STYXL2: variants seen among roughly 807,000 people sequenced by gnomAD.
STYXL2 encodes the protein serine/threonine/tyrosine-interacting-like protein 2.
STYXL2 carries 44 observed loss-of-function variants against 52.4 expected under a neutral mutation model. The observed-to-expected ratio is 0.84, with a 90% CI of 0.66 to 1.08. The LOEUF (loss-of-function observed/expected upper bound fraction) is 1.08. Ranked by LOEUF, STYXL2 falls within the 50% of genes least tolerant of loss-of-function variation. The pLI is 0.00. For synonymous variants in STYXL2, 604 were observed against 586.9 expected (o/e 1.03, Z -0.42); for missense variants, 1,604 against 1,471.7 (o/e 1.09, Z -1.47).
chr1:167,118,790 G>A (rs558405312), intron 4 of STYXL2, among the ~76,000 whole-genome samples: 2 of 152,304 alleles, frequency 1.3e-5, no homozygotes, highest in Admixed American at 1.3e-4. Context: ...AATAAAACTA[G>A]AGTTCCTGTC....
Position 167,128,388 on chromosome 1 carries a change from G to A in STYXL2, c.3257G>A (p.Arg1086Lys), listed in dbSNP as rs1318345481. 6.2e-7 allele frequency: 1 copy of A among 1,614,088 alleles called. No individual in the cohort carries two copies. Among genetic ancestry groups the A allele is most frequent in the Non-Finnish European group, 8.5e-7 (1 of 1,180,002 alleles). The stretch of plus-strand genomic sequence containing the variant: ...GACTTCTCTGAATTTGGAGCCAAGA[G>A]GAAGTTCACCCAGAGCTTTATGAGG... ...KSDFSEFGAK[R>K]KFTQSFMRSE... Residue 1086 changes from arginine (R) to lysine (K), a missense_variant, in exon 6 of 6, where the codon AGG (arginine) becomes AAG (lysine). Physicochemically the swap from Arg to Lys is conservative, Grantham distance 26 (BLOSUM62 2). Coordinates refer to ENST00000361200, the MANE Select transcript of STYXL2 (RefSeq NM_001080426.3).
At chr1:167,101,826 C>G (rs1356576522) in intron 2 of STYXL2, among the ~76,000 whole-genome samples, 2 of 150,248 alleles carry the variant, frequency 1.3e-5, no homozygotes, top group African/African-American at 4.9e-5. Context: ...AAGCCTATGT[C>G]TATGCAAAGA....
At chr1:167,096,206 C>T (rs1667281983) in intron 2 of STYXL2, among the ~76,000 whole-genome samples, 1 of 151,852 alleles carries the variant, frequency 6.6e-6, no homozygotes, top group South Asian at 2.1e-4. Flanking sequence ...TTCAGTGAGC[C>T]GAGATCGCGC....
Position 167,128,734 on chromosome 1 carries a change from A to T in STYXL2, c.*126A>T. The stretch of plus-strand genomic sequence containing the variant: ...GATCTTCCAGAGGGGCAGAGCCAAA[A>T]TGAGAGGTACCAAGCATAAGGGCAG... On this transcript the variant is annotated 3_prime_UTR_variant, in exon 6 of 6. Transcript: ENST00000361200. The T allele has an allele frequency of 2.8e-6, 4 of 1,418,298 alleles. No individual in the cohort carries two copies. Among genetic ancestry groups the T allele is most frequent in the Non-Finnish European group, 3.7e-6 (4 of 1,084,472 alleles). The allele number at this position is 1,418,298 out of a possible 1,614,324, so 87.9% of individuals were successfully genotyped here.
At chr1:167,122,907 T>C (rs757133424) in intron 5 of STYXL2, among the ~76,000 whole-genome samples, 12 of 152,174 alleles carry the variant, frequency 7.9e-5, no homozygotes, top group Non-Finnish European at 1.5e-4. Flanking sequence ...TCTCAAGTGA[T>C]CCACCACCTC....
chr1:167,127,798 T>C lies in STYXL2; in HGVS notation c.2667T>C (p.Thr889=), dbSNP rs61748780. ...GTGTGGGTGATGGGGATGAGGACAC[T>C]GACAGTGCCATAGGGAGCTTCCGAT... is the stretch of plus-strand genomic sequence containing the variant. The part of the protein sequence containing the change: ...DDGVGDGDED[T]DSAIGSFRYS... The change falls in exon 6 of 6, where the codon ACT becomes ACC. Residue 889 remains threonine (T), a synonymous_variant. Transcript: ENST00000361200. The C allele has an allele frequency of 6.2e-7, 1 of 1,613,914 alleles. No individual in the cohort carries two copies. The highest frequency in any genetic ancestry group is 1.6e-4 in the Middle Eastern group (1 of 6,062).
chr1:167,108,731 T>C (rs1056901252), intron 2 of STYXL2, among the ~76,000 whole-genome samples: 8 of 152,136 alleles, frequency 5.3e-5, no homozygotes, highest in Non-Finnish European at 1.0e-4. Context: ...ATCATGAACC[T>C]TTGCTCCAAG....
chr1:167,100,013 T>C (rs1667368988), intron 2 of STYXL2, among the ~76,000 whole-genome samples: 1 of 152,252 alleles, frequency 6.6e-6, no homozygotes, highest in African/African-American at 2.4e-5. Context: ...TAGAGGTTTA[T>C]TTGGCTCATA....
chr1:167,111,531 AATAT>A (rs766345985), intron 2 of STYXL2, among the ~76,000 whole-genome samples: 1 of 121,382 alleles, frequency 8.2e-6, no homozygotes. Context: ...CACACACACA[AATAT>A]ATATATATAC....
chr1:167,127,487 C>G lies in STYXL2; in HGVS notation c.2356C>G (p.Gln786Glu). The G allele has an allele frequency of 6.2e-7, 1 of 1,614,104 alleles. No homozygotes were observed. Among genetic ancestry groups the G allele is most frequent in the Non-Finnish European group, 8.5e-7 (1 of 1,180,008 alleles). ...CTCCTTGGGTGGCTGCCTGTTGCCTCAGAGCCAGGCAAGACCCAGCTCTGA... is the reference window on the plus strand; with the variant it reads ...CTCCTTGGGTGGCTGCCTGTTGCCTGAGAGCCAGGCAAGACCCAGCTCTGA... ...SSSLGGCLLP[Q>E]SQARPSSDMQ... Residue 786 changes from glutamine to glutamate, a missense_variant, in exon 6 of 6, where the codon CAG (glutamine) becomes GAG (glutamate). Coordinates refer to ENST00000361200, the MANE Select transcript of STYXL2 (RefSeq NM_001080426.3).
Position 167,103,888 on chromosome 1 carries a change from G to A in STYXL2, c.110+8929G>A, listed in dbSNP as rs931646631. Among the ~76,000 whole-genome samples the A allele has an allele frequency of 4.6e-4, 70 of 152,156 alleles. 2 individuals are homozygous for A. Among genetic ancestry groups the A allele is most frequent in the Admixed American group, 4.3e-3 (66 of 15,276 alleles). ...TGTAACCCCAGCCCTTTGGGAGGCC[G>A]AGGTAGGCGGATCACAAGGTCAGGA... is the stretch of plus-strand genomic sequence containing the variant. On this transcript the variant is annotated intron_variant, in intron 2 of 5. Transcript: ENST00000361200.
rs372437301 is a variant in STYXL2, at chr1:167,126,160, C to CGAG, written c.1042_1044dup (p.Glu348dup). On this transcript the variant is annotated inframe_insertion, in exon 6 of 6. Coordinates refer to ENST00000361200, the MANE Select transcript of STYXL2 (RefSeq NM_001080426.3). Reference sequence around the variant, plus strand: ...CCTCCAAGCCCCTCACCCTCATAGACGAGGAGGAGGAGGAGAAACTGTACG... The same window carrying CGAG: ...CCTCCAAGCCCCTCACCCTCATAGACGAGGAGGAGGAGGAGGAGAAACTGTACG... The CGAG allele has an allele frequency of 1.3e-6, 2 of 1,511,220 alleles. No homozygotes were observed. The highest frequency in any genetic ancestry group is 2.8e-5 in the African/African-American group (2 of 71,646). 93.6% of individuals were successfully genotyped at this position (1,511,220 alleles called of 1,614,324 possible).
chr1:167,120,812 T>C (rs1190683506), intron 5 of STYXL2, among the ~76,000 whole-genome samples: 1 of 116,868 alleles, frequency 8.6e-6, no homozygotes, highest in African/African-American at 3.1e-5. Flanking sequence ...TGTATATGTA[T>C]GTGTGCGTGT....
chr1:167,098,469 C>T (rs1667337860), intron 2 of STYXL2, among the ~76,000 whole-genome samples: 3 of 151,978 alleles, frequency 2.0e-5, no homozygotes, highest in Admixed American at 1.3e-4. Flanking sequence ...AAGTGAGGCC[C>T]TGTCTCAAAA....
intron 2 of STYXL2, among the ~76,000 whole-genome samples, chr1:167,104,824 A>G (rs532634017): frequency 6.6e-6 from 1 of 152,036 alleles, no homozygotes. Flanking sequence ...CTCTACCTCC[A>G]TTTCACTTCC....
chr1:167,118,315 T>G (rs546564329), intron 4 of STYXL2, among the ~76,000 whole-genome samples: 40 of 152,334 alleles, frequency 2.6e-4, no homozygotes, highest in Admixed American at 8.5e-4. Context: ...GTGAAACAAA[T>G]TTTTGCTGAC....
Position 167,128,379 on chromosome 1 carries a change from G to C in STYXL2, c.3248G>C (p.Gly1083Ala), listed in dbSNP as rs761715375. ...ESSKSDFSEF[G>A]AKRKFTQSFM... is the part of the protein sequence containing the mutation. Reference sequence around the variant, plus strand: ...TCCAAGTCAGACTTCTCTGAATTTGGAGCCAAGAGGAAGTTCACCCAGAGC... The same window carrying C: ...TCCAAGTCAGACTTCTCTGAATTTGCAGCCAAGAGGAAGTTCACCCAGAGC... The change falls in exon 6 of 6, where the codon GGA becomes GCA. Residue 1083 changes from glycine (G) to alanine (A), a missense_variant. Coordinates refer to ENST00000361200, the MANE Select transcript of STYXL2 (RefSeq NM_001080426.3). 1 of 1,614,152 alleles carries C rather than the reference G, an allele frequency of 6.2e-7. No individual in the cohort carries two copies. The highest frequency in any genetic ancestry group is 1.1e-5 in the South Asian group (1 of 91,072).
intron 2 of STYXL2, among the ~76,000 whole-genome samples, chr1:167,101,566 G>A (rs1224543839): frequency 6.6e-6 from 1 of 152,176 alleles, no homozygotes. Context: ...CACTTTGGGA[G>A]GCTGAAGCAA....
At chr1:167,122,456 A>G in intron 5 of STYXL2, among the ~76,000 whole-genome samples, 1 of 152,064 alleles carries the variant, frequency 6.6e-6, no homozygotes, top group Non-Finnish European at 1.5e-5. Flanking sequence ...GTGTACCCTG[A>G]GTTCCATCAG....
Sources: allele counts gnomAD v4.1 joint callset (sites outside exome capture counted in the v4.1 genomes callset), GRCh38; gene constraint gnomAD v4.1.1; transcripts MANE v1.5; gene names NCBI Gene and HGNC (gene_info 2026-07-23, HGNC 2026-07-21).